The following CHD2 variants were observed in gnomAD, a reference collection of about 807,000 sequenced individuals.
CHD2 encodes the protein ATP-dependent chromatin remodeler CHD2.
A neutral mutation model predicts 243.9 loss-of-function variants in CHD2; 28 were observed. The ratio of observed to expected loss-of-function variants is 0.11; its 90% CI spans 0.09 to 0.16. CHD2 has a LOEUF of 0.16. CHD2 is among the 10% of genes least tolerant of loss of function. The pLI, the probability that CHD2 is intolerant of heterozygous loss-of-function variation, is 1.00. For missense variants in CHD2, 1,386 were observed against 2,209.8 expected, an observed-to-expected ratio of 0.63 and a Z score of 7.47; for synonymous variants, 775 against 779.0, an observed-to-expected ratio of 0.99 and a Z score of 0.09.
rs74703700 is a variant in CHD2 at position 92,987,137 on chromosome 15, G to A, written c.3413+1464G>A. Among the ~76,000 whole-genome samples the A allele has an allele frequency of 6.0e-3, 908 of 152,044 alleles. 8 individuals carry two copies. The highest frequency in any genetic ancestry group is 0.02 in the African/African-American group (831 of 41,460). On this transcript the variant is annotated intron_variant, in intron 26 of 38. Transcript: ENST00000394196. ...GTTAGTTTTTGCTTCATGTGTTTTT[G>A]GACTCTTATTAATTGTATATATTTT...
At position 92,946,045 on chromosome 15, in the gene CHD2, T is replaced by C; in HGVS notation, c.1206T>C (p.Ser402=). ...TTTTTTTATATGAAATAGCTCATAG[T>C]CGGAAGCCGGCACCCTCAAATGAGC... ...TLGQTDFPAH[S]RKPAPSNEPE... is the part of the protein sequence containing the mutation. Residue 402 remains serine, a synonymous_variant, in exon 12 of 39, where the codon AGT becomes AGC. Transcript: ENST00000394196. The C allele has an allele frequency of 6.3e-7, 1 of 1,579,776 alleles. No homozygotes were observed. The highest frequency in any genetic ancestry group is 8.6e-7 in the Non-Finnish European group (1 of 1,163,834).
intron 34 of CHD2, 54 bp downstream of exon 34, chr15:93,004,805 G>GCT: frequency 6.3e-7 from 1 of 1,582,552 alleles, no homozygotes. Flanking sequence ...ACTTGCTGTG[G>GCT]CTCTGCCTTT....
intron 2 of CHD2, among the ~76,000 whole-genome samples, chr15:92,909,958 G>A (rs79556885): frequency 2.4e-5 from 2 of 83,672 alleles, no homozygotes; most frequent in African/African-American, 7.8e-5. Context: ...GTGTGTGTGT[G>A]TGTGTGTGTG....
chr15:92,970,471 G>T (rs1449075566), intron 17 of CHD2, among the ~76,000 whole-genome samples: 1 of 152,096 alleles, frequency 6.6e-6, no homozygotes, highest in Non-Finnish European at 1.5e-5. Context: ...AAAGTGCTGG[G>T]ATTAACAGGT....
chr15:92,971,662 C>G (rs2053843771), intron 17 of CHD2, 103 bp from the exon 18 acceptor site: 2 of 1,022,174 alleles, frequency 2.0e-6, no homozygotes, highest in South Asian at 3.0e-5. Flanking sequence ...TTTTAGGCCT[C>G]TTTTTTTCTC....
At chr15:92,918,111 G>T (rs1202880571) in intron 2 of CHD2, among the ~76,000 whole-genome samples, 1 of 152,172 alleles carries the variant, frequency 6.6e-6, no homozygotes, top group Non-Finnish European at 1.5e-5. Context: ...GAATGTTGCT[G>T]TGCTGCCCTC....
At chr15:92,978,758 T>C (rs1428682693) in intron 21 of CHD2, among the ~76,000 whole-genome samples, 3 of 152,236 alleles carry the variant, frequency 2.0e-5, no homozygotes, top group Non-Finnish European at 2.9e-5. Context: ...AAAGGTACTT[T>C]GGAAAACCAC....
intron 5 of CHD2, among the ~76,000 whole-genome samples, chr15:92,929,489 A>G (rs563284788): frequency 1.6e-4 from 24 of 152,290 alleles, no homozygotes; most frequent in African/African-American, 5.5e-4. Context: ...TTGGCTGAAC[A>G]TCCATTTTGG....
At chr15:92,960,737 CAG>C (rs1433072178) in intron 16 of CHD2, among the ~76,000 whole-genome samples, 3 of 73,716 alleles carry the variant, frequency 4.1e-5, no homozygotes, top group Non-Finnish European at 8.5e-5. Flanking sequence ...TTTTTTAAGA[CAG>C]AGTTTCCGTC....
chr15:92,912,962 A>G (rs1227787580), intron 2 of CHD2, among the ~76,000 whole-genome samples: 2 of 152,216 alleles, frequency 1.3e-5, no homozygotes, highest in Admixed American at 1.3e-4. Context: ...TAATGGATCA[A>G]ACTCTTGCAC....
chr15:92,904,808 G>T lies in CHD2; in HGVS notation c.62+3509G>T. The stretch of plus-strand genomic sequence containing the variant: ...CCGTTCAGTGTGAAGAGATGAGTGG[G>T]TTTAATTTTGTTACAATTGACCAAA... On this transcript the variant is annotated intron_variant, in intron 2 of 38. Coordinates refer to ENST00000394196, the MANE Select transcript of CHD2 (RefSeq NM_001271.4). 2.0e-6 allele frequency: 3 copies of T among 1,487,940 alleles called. No homozygotes were observed. The South Asian group carries it at 4.0e-5, about 20-fold the overall frequency. 92.2% of individuals were successfully genotyped at this position (1,487,940 alleles called of 1,614,324 possible).
intron 16 of CHD2, among the ~76,000 whole-genome samples, chr15:92,961,078 T>G (rs1057383878): frequency 1.3e-5 from 2 of 152,174 alleles, no homozygotes; most frequent in Non-Finnish European, 2.9e-5. Context: ...TTTGTTTTGT[T>G]TTGATGTTTA....
chr15:92,943,282 T>G (rs1567135838), intron 9 of CHD2: 1 of 533,418 alleles, frequency 1.9e-6, no homozygotes, highest in East Asian at 3.3e-5. Context: ...TTAACTAGCT[T>G]ATGGAGCGTT....
At chr15:92,917,817 T>C (rs1360519927) in intron 2 of CHD2, among the ~76,000 whole-genome samples, 1 of 152,196 alleles carries the variant, frequency 6.6e-6, no homozygotes, top group African/African-American at 2.4e-5. Flanking sequence ...TTGGGCTTTG[T>C]CTTCTTTATA....
At chr15:92,936,847 T>C (rs2053275349) in intron 5 of CHD2, among the ~76,000 whole-genome samples, 2 of 151,788 alleles carry the variant, frequency 1.3e-5, no homozygotes, top group Admixed American at 6.6e-5. Context: ...CTTTTTTTTT[T>C]TGATGGAGGA....
chr15:93,003,364 A>AT (rs1443919629), intron 33 of CHD2, among the ~76,000 whole-genome samples: 1 of 151,992 alleles, frequency 6.6e-6, no homozygotes, highest in African/African-American at 2.4e-5. Flanking sequence ...AGCAATTTGA[A>AT]TTTCCCATTT....
chr15:92,926,625 C>G (rs2053066661), intron 3 of CHD2, among the ~76,000 whole-genome samples: 1 of 152,082 alleles, frequency 6.6e-6, no homozygotes, highest in Admixed American at 6.5e-5. Flanking sequence ...TGTTACAGGT[C>G]TACAAAAATC....
At chr15:93,000,295 A>G (rs1206508456) in intron 31 of CHD2, among the ~76,000 whole-genome samples, 5 of 152,034 alleles carry the variant, frequency 3.3e-5, no homozygotes, top group African/African-American at 4.8e-5. Flanking sequence ...GAATATGGAC[A>G]TTTTAATGTG....
chr15:92,956,371 G>A (rs772256896), intron 15 of CHD2, 88 bp from the exon 16 acceptor site: 13 of 899,336 alleles, frequency 1.4e-5, no homozygotes, highest in Non-Finnish European at 1.9e-5. Context: ...CCTTTGTAAT[G>A]GTATTTATAC....
Sources: allele counts gnomAD v4.1 joint callset (sites outside exome capture counted in the v4.1 genomes callset), GRCh38; gene constraint gnomAD v4.1.1; transcripts MANE v1.5; gene names NCBI Gene and HGNC (gene_info 2026-07-23, HGNC 2026-07-21).